MAN2B2: variants seen among roughly 807,000 people sequenced by gnomAD.
MAN2B2 encodes epididymis-specific alpha-mannosidase.
Under a neutral mutation model 117.1 loss-of-function variants are expected in MAN2B2, and 106 were observed. The observed-to-expected ratio is 0.90, with a 90% CI of 0.77 to 1.06. The LOEUF (loss-of-function observed/expected upper bound fraction) is 1.06, where lower values mean the gene tolerates loss of function less well. MAN2B2 is among the 50% of genes least tolerant of loss of function. The pLI, the probability that MAN2B2 is intolerant of heterozygous loss-of-function variation, is 0.00. For synonymous variants in MAN2B2, 544 were observed against 595.1 expected (o/e 0.91, Z 1.25); for missense variants, 1,326 against 1,381.4 (o/e 0.96, Z 0.64).
chr4:6,617,587 C>G (rs879909690), intron 17 of MAN2B2, 95 bp downstream of exon 17: 97 of 1,557,320 alleles, frequency 6.2e-5, no homozygotes, highest in Non-Finnish European at 8.1e-5. Context: ...TCCACGAGGG[C>G]TTCCTCCCAA....
chr4:6,593,792 G>A (rs896716030), intron 6 of MAN2B2, among the ~76,000 whole-genome samples: 2 of 152,226 alleles, frequency 1.3e-5, no homozygotes, highest in African/African-American at 4.8e-5. Context: ...CTGTGTGCTG[G>A]GCACTGCCCC....
intron 3 of MAN2B2, among the ~76,000 whole-genome samples, chr4:6,584,772 A>G (rs910091189): frequency 6.6e-6 from 1 of 152,230 alleles, no homozygotes; most frequent in Non-Finnish European, 1.5e-5. Flanking sequence ...CAGCTGCCAG[A>G]CAGAGAGAAC....
intron 5 of MAN2B2, among the ~76,000 whole-genome samples, chr4:6,591,019 T>A (rs867042263): frequency 1.3e-4 from 20 of 152,054 alleles, no homozygotes; most frequent in African/African-American, 4.6e-4. Context: ...CATGGCAGCA[T>A]TGCCTGTAAT....
chr4:6,597,155 C>A lies in MAN2B2; in HGVS notation c.1100C>A (p.Ser367Ter). 6.2e-7 allele frequency: 1 copy of A among 1,613,352 alleles called. No homozygotes were observed. Among genetic ancestry groups the A allele is most frequent in the Non-Finnish European group, 8.5e-7 (1 of 1,179,902 alleles). The change falls in exon 8 of 19, where the codon TCA (serine) becomes TAA (stop). Residue 367 changes from serine to a stop codon, truncating the protein, a stop_gained. Transcript: ENST00000285599. LOFTEE classifies it high-confidence loss of function. ...AWTGFYTSRSSLKGLARRASA... is the reference protein window; with the variant it reads ...AWTGFYTSRS Reference sequence around the variant, plus strand: ...ACGGGCTTCTACACGTCCCGCAGCTCACTGAAGGGGCTGGCCCGGCGAGCC... The same window carrying A: ...ACGGGCTTCTACACGTCCCGCAGCTAACTGAAGGGGCTGGCCCGGCGAGCC...
chr4:6,594,165 G>A (rs1252082527), intron 6 of MAN2B2, among the ~76,000 whole-genome samples: 3 of 152,102 alleles, frequency 2.0e-5, no homozygotes, highest in African/African-American at 2.4e-5. Context: ...GCCCAGGGCC[G>A]GGCGCTGTGG....
At chr4:6,605,931 TCA>T in intron 11 of MAN2B2, among the ~76,000 whole-genome samples, 1 of 152,208 alleles carries the variant, frequency 6.6e-6, no homozygotes, top group Non-Finnish European at 1.5e-5. Context: ...ATTCATTCAT[TCA>T]TTCATGTATT....
At position 6,598,247 on chromosome 4, in the gene MAN2B2, A is replaced by C. The variant is rs1727181860; in HGVS notation, c.1298A>C (p.Asp433Ala). 3.1e-6 allele frequency: 5 copies of C among 1,613,658 alleles called. No individual in the cohort carries two copies. In the South Asian group the frequency reaches 5.5e-5, roughly 18 times the overall value. ...ITGTESPKVRDMYATHLASGM... is the reference protein window; with the variant it reads ...ITGTESPKVRAMYATHLASGM... ...GGGACTGAGTCCCCCAAGGTGAGAG[A>C]CATGTACGCAACGCACCTGGCCTCG... Residue 433 changes from aspartate to alanine, a missense_variant, in exon 9 of 19, where the codon GAC becomes GCC. Coordinates refer to ENST00000285599, the MANE Select transcript of MAN2B2 (RefSeq NM_015274.3).
chr4:6,598,088 C>T (rs1464002000), intron 8 of MAN2B2, 110 bp from the exon 9 acceptor site: 11 of 1,257,116 alleles, frequency 8.8e-6, no homozygotes, highest in African/African-American at 1.5e-5. Context: ...CCCTTCTCCA[C>T]TGGCACCTGG....
chr4:6,604,243 T>G (rs1225687834), intron 10 of MAN2B2, among the ~76,000 whole-genome samples: 1 of 152,138 alleles, frequency 6.6e-6, no homozygotes, highest in Non-Finnish European at 1.5e-5. Flanking sequence ...CCTTCCCCAG[T>G]TGCAGCAGAC....
chr4:6,594,441 G>C lies in MAN2B2; in HGVS notation c.859-93G>C, dbSNP rs1726985842. On this transcript the variant is annotated intron_variant, in intron 6 of 18. Transcript: ENST00000285599. ...CCCTGTTGGCCGCCTTGGAGACTGG[G>C]AGGGCAGCTGGTGGAGGGCAGCGAT... is the stretch of plus-strand genomic sequence containing the variant. 3 of 1,311,520 alleles carry C rather than the reference G, an allele frequency of 2.3e-6. No individual in the cohort carries two copies. In the Admixed American group the frequency reaches 5.5e-5, roughly 24 times the overall value. The allele number at this position is 1,311,520 out of a possible 1,614,324, so 81.2% of individuals were successfully genotyped here.
At chr4:6,579,811 G>C (rs1424178351) in intron 3 of MAN2B2, among the ~76,000 whole-genome samples, 1 of 152,154 alleles carries the variant, frequency 6.6e-6, no homozygotes, top group East Asian at 1.9e-4. Context: ...CAGTGCCGTG[G>C]GGCACTCTAC....
At chr4:6,616,376 A>G (rs1327639533) in intron 16 of MAN2B2, among the ~76,000 whole-genome samples, 1 of 152,222 alleles carries the variant, frequency 6.6e-6, no homozygotes, top group Non-Finnish European at 1.5e-5. Context: ...GGCAAATGAC[A>G]GCATTATATC....
At chr4:6,603,399 C>T (rs1727410925) in intron 10 of MAN2B2, among the ~76,000 whole-genome samples, 1 of 152,150 alleles carries the variant, frequency 6.6e-6, no homozygotes, top group African/African-American at 2.4e-5. Flanking sequence ...TCCCAGGACA[C>T]AGACATGGAT....
chr4:6,620,899 A>G, intron 18 of MAN2B2: 2 of 402,348 alleles, frequency 5.0e-6, no homozygotes, highest in South Asian at 7.4e-5. Context: ...TAGGGCCAGG[A>G]CCAACCTATG....
rs761850743 is a variant in MAN2B2 at position 6,619,930 on chromosome 4, G to A, written c.2818G>A (p.Val940Met). The change falls in exon 18 of 19, where the codon GTG (valine) becomes ATG (methionine). Residue 940 changes from valine to methionine, a missense_variant. By Grantham distance (21) the Val-to-Met change is conservative. Transcript: ENST00000285599. ...SQPVTVNLEAVLQALGSVVAV... is the reference protein window; with the variant it reads ...SQPVTVNLEAMLQALGSVVAV... ...CCCTCTGCTCCTCTCCCTGCAGGCT[G>A]TGCTGCAGGCGCTGGGGTCCGTGGT... 6 of 1,612,972 alleles carry A rather than the reference G, an allele frequency of 3.7e-6. No homozygotes were observed. The Admixed American group carries it at 1.0e-4, about 27-fold the overall frequency.
intron 3 of MAN2B2, among the ~76,000 whole-genome samples, chr4:6,586,650 G>A: frequency 6.6e-6 from 1 of 152,128 alleles, no homozygotes; most frequent in Non-Finnish European, 1.5e-5. Context: ...GCTGGGGGAG[G>A]GGCATAGGGA....
rs147252633 is a variant in MAN2B2 at position 6,619,950 on chromosome 4, C to T, written c.2838C>T (p.Ser946=). ...AGGCTGTGCTGCAGGCGCTGGGGTC[C>T]GTGGTGGCAGTGGAGGAGCGCTCGC... ...NLEAVLQALG[S]VVAVEERSLT... is the part of the protein sequence containing the mutation. The change falls in exon 18 of 19, where the codon TCC becomes TCT. Residue 946 remains serine (S), a synonymous_variant. Coordinates refer to ENST00000285599, the MANE Select transcript of MAN2B2 (RefSeq NM_015274.3). The T allele has an allele frequency of 1.1e-5, 18 of 1,613,764 alleles. No individual in the cohort carries two copies. The highest frequency in any genetic ancestry group is 1.3e-5 in the African/African-American group (1 of 74,924).
At chr4:6,610,145 TCC>T in intron 13 of MAN2B2, 95 bp downstream of exon 13, 1 of 1,500,394 alleles carries the variant, frequency 6.7e-7, no homozygotes, top group African/African-American at 1.5e-5. Context: ...AGTAGAGGCC[TCC>T]AGTGAGAATG....
At chr4:6,579,259 C>CCAT (rs1726285096) in intron 3 of MAN2B2, among the ~76,000 whole-genome samples, 2 of 85,792 alleles carry the variant, frequency 2.3e-5, no homozygotes, top group African/African-American at 4.1e-5. Flanking sequence ...ACCACCATCA[C>CCAT]CACCACCACC....
Sources: gnomAD v4.1 joint callset for allele counts (sites outside exome capture counted in the v4.1 genomes callset) on GRCh38, gnomAD v4.1.1 for gene constraint, MANE v1.5 for transcripts, NCBI Gene and HGNC (gene_info 2026-07-23, HGNC 2026-07-21) for gene names.